WDR88: variants seen among roughly 807,000 people sequenced by gnomAD.
The protein encoded by WDR88 is WD repeat domain 88, also known as WD repeat-containing protein 88.
Under a neutral mutation model 46.8 loss-of-function variants are expected in WDR88, and 40 were observed. The observed-to-expected ratio is 0.86, with a 90% CI of 0.66 to 1.11. WDR88 has a LOEUF of 1.11. Among genes scored for constraint, WDR88 ranks in the 50% most tolerant of loss-of-function variants. The pLI is 0.00. For synonymous variants in WDR88, 235 were observed against 240.7 expected, an observed-to-expected ratio of 0.98 and a Z score of 0.22; for missense variants, 562 against 602.4, an observed-to-expected ratio of 0.93 and a Z score of 0.70.
intron 10 of WDR88, chr19:33,174,474 C>T (rs1249305251): frequency 8.1e-6 from 8 of 985,422 alleles, no homozygotes; most frequent in Non-Finnish European, 9.6e-6. Flanking sequence ...AGACCTCATC[C>T]CATGGCACTC....
chr19:33,143,799 T>C (rs1465088916), intron 2 of WDR88, among the ~76,000 whole-genome samples: 1 of 152,204 alleles, frequency 6.6e-6, no homozygotes, highest in Non-Finnish European at 1.5e-5. Context: ...CATAGGTATT[T>C]TTTTCTTCTC....
At chr19:33,161,297 G>A (rs1429545303) in intron 8 of WDR88, among the ~76,000 whole-genome samples, 2 of 152,182 alleles carry the variant, frequency 1.3e-5, no homozygotes, top group Non-Finnish European at 2.9e-5. Context: ...TGGGCTACAA[G>A]TGAGAGGATG....
Position 33,156,376 on chromosome 19 carries a change from A to G in WDR88, c.831A>G (p.Ser277=), listed in dbSNP as rs1973735268. The G allele has an allele frequency of 2.5e-6, 4 of 1,613,552 alleles. No individual in the cohort carries two copies. The highest frequency in any genetic ancestry group is 3.4e-6 in the Non-Finnish European group (4 of 1,179,562). Residue 277 remains serine (S), a synonymous_variant, in exon 7 of 11, where the codon TCA becomes TCG. Transcript: ENST00000355868. The part of the protein sequence containing the change: ...TITKAHSNAI[S]NCCFTFSGHF... ...TCAGGGCACATTCCAATGCAATCTC[A>G]AACTGCTGTTTTACCTTCAGTGGCC...
At chr19:33,147,223 T>A (rs968458427) in intron 3 of WDR88, among the ~76,000 whole-genome samples, 1 of 148,046 alleles carries the variant, frequency 6.8e-6, no homozygotes, top group East Asian at 2.0e-4. Flanking sequence ...GATGACAGAG[T>A]GACATCCTGT....
intron 10 of WDR88, among the ~76,000 whole-genome samples, chr19:33,175,167 G>A (rs1215411518): frequency 1.2e-4 from 19 of 152,080 alleles, no homozygotes; most frequent in South Asian, 4.1e-4. Flanking sequence ...CCTGGGAGGC[G>A]GAGGTTGCAG....
At chr19:33,163,933 C>G (rs537328443) in intron 8 of WDR88, among the ~76,000 whole-genome samples, 2 of 152,126 alleles carry the variant, frequency 1.3e-5, no homozygotes, top group East Asian at 3.9e-4. Flanking sequence ...TGCACTCAGC[C>G]AGCTACTCTT....
At position 33,175,670 on chromosome 19, in the gene WDR88, G is replaced by A. The variant is rs1599923689; in HGVS notation, c.*98G>A. ...TTCTCTTGGGCCCCTCCCAGGCTCA[G>A]CAGGCCTGTCAGACTGGGGCAGGAC... On this transcript the variant is annotated 3_prime_UTR_variant, in exon 11 of 11. Transcript: ENST00000355868. The A allele has an allele frequency of 6.8e-7, 1 of 1,471,178 alleles. No individual in the cohort carries two copies. The highest frequency in any genetic ancestry group is 1.4e-5 in the African/African-American group (1 of 71,984). The allele number at this position is 1,471,178 out of a possible 1,614,324, so 91.1% of individuals were successfully genotyped here.
chr19:33,156,647 C>A, intron 7 of WDR88, 105 bp downstream of exon 7: 1 of 1,309,012 alleles, frequency 7.6e-7, no homozygotes, highest in Non-Finnish European at 1.0e-6. Context: ...ATGATGCTGA[C>A]AGGGAGGGCG....
intron 3 of WDR88, among the ~76,000 whole-genome samples, chr19:33,146,600 C>A (rs1040531900): frequency 3.3e-5 from 5 of 152,138 alleles, no homozygotes; most frequent in Admixed American, 6.5e-5. Context: ...CTCACTGTAA[C>A]CTCCGCCTCC....
At chr19:33,161,176 C>T (rs547068395) in intron 8 of WDR88, among the ~76,000 whole-genome samples, 100 of 148,408 alleles carry the variant, frequency 6.7e-4, no homozygotes, top group African/African-American at 2.4e-3. Context: ...CTGTCTCTAA[C>T]AAAACAAAAC....
chr19:33,145,180 G>C (rs544008596), intron 3 of WDR88, among the ~76,000 whole-genome samples: 6 of 152,058 alleles, frequency 3.9e-5, no homozygotes, highest in Non-Finnish European at 7.4e-5. Context: ...ATTTAGACAG[G>C]ATTCTGCTCT....
intron 2 of WDR88, 110 bp from the exon 3 acceptor site, chr19:33,144,734 T>C: frequency 2.0e-6 from 2 of 993,416 alleles, no homozygotes; most frequent in Non-Finnish European, 3.1e-6. Flanking sequence ...CTTGGAGTTC[T>C]CAGATTTTGC....
intron 9 of WDR88, among the ~76,000 whole-genome samples, chr19:33,168,519 T>C (rs1318926283): frequency 6.6e-6 from 1 of 152,152 alleles, no homozygotes; most frequent in African/African-American, 2.4e-5. Context: ...CCATTTACAA[T>C]GGCATATAAA....
intron 9 of WDR88, among the ~76,000 whole-genome samples, chr19:33,165,824 C>A (rs1197773318): frequency 6.7e-6 from 1 of 148,612 alleles, no homozygotes; most frequent in Non-Finnish European, 1.5e-5. Context: ...ACCCGGGAGG[C>A]AGAGGTTGCA....
chr19:33,141,227 G>GTTTTTTTTTTTTTTTTTTTTTTTTTT (rs745987290), intron 2 of WDR88, among the ~76,000 whole-genome samples: 3 of 113,398 alleles, frequency 2.6e-5, no homozygotes, highest in African/African-American at 8.2e-5. Flanking sequence ...GTGGGAGCAT[G>GTTTTTTTTTTTTTTTTTTTTTTTTTT]TTTTTTTTTT....
rs1206600278 is a variant in WDR88 at position 33,144,946 on chromosome 19, C to T, written c.476+14C>T. 4 of 1,609,896 alleles carry T rather than the reference C, an allele frequency of 2.5e-6. No homozygotes were observed. The highest frequency in any genetic ancestry group is 4.5e-5 in the East Asian group (2 of 44,796). ...CGACAGCAGCAGGTGACCTTTCCCT[C>T]GTCTTACACTGGGAAGAGGGAGGGT... On this transcript the variant is annotated intron_variant, in intron 3 of 10. Coordinates refer to ENST00000355868, the MANE Select transcript of WDR88 (RefSeq NM_173479.4).
At chr19:33,141,234 TTTTTTTC>T (rs963731620) in intron 2 of WDR88, among the ~76,000 whole-genome samples, 2 of 108,162 alleles carry the variant, frequency 1.8e-5, no homozygotes, top group Admixed American at 9.5e-5. Flanking sequence ...CATGTTTTTT[TTTTTTTC>T]TTTTTTGACA....
intron 2 of WDR88, among the ~76,000 whole-genome samples, chr19:33,141,783 C>A (rs200502822): frequency 6.6e-6 from 1 of 151,668 alleles, no homozygotes; most frequent in Non-Finnish European, 1.5e-5. Flanking sequence ...TGAGTTCAAG[C>A]GATTCTCCTG....
At chr19:33,134,601 G>T (rs1448692838) in intron 1 of WDR88, among the ~76,000 whole-genome samples, 1 of 152,008 alleles carries the variant, frequency 6.6e-6, no homozygotes, top group Non-Finnish European at 1.5e-5. Flanking sequence ...GGCGGTGCGG[G>T]AGGGCCGCGC....
Sources: allele counts gnomAD v4.1 joint callset (sites outside exome capture counted in the v4.1 genomes callset), GRCh38; gene constraint gnomAD v4.1.1; transcripts MANE v1.5; gene names NCBI Gene and HGNC (gene_info 2026-07-23, HGNC 2026-07-21).